Variants in PAG1 observed in about 807,000 individuals in gnomAD.
PAG1 encodes phosphoprotein membrane anchor with glycosphingolipid microdomains 1, also known as phosphoprotein associated with glycosphingolipid-enriched microdomains 1.
A neutral mutation model predicts 31.7 loss-of-function variants in PAG1; 23 were observed. The observed-to-expected ratio is 0.73, with a 90% CI of 0.52 to 1.03. The LOEUF is 1.03. Among genes scored for constraint, PAG1 ranks in the 50% least tolerant of loss-of-function variants. The pLI, the probability that PAG1 is intolerant of heterozygous loss-of-function variation, is 0.00. For missense variants in PAG1, 473 were observed against 540.7 expected (o/e 0.87, Z 1.24); for synonymous variants, 214 against 210.3 (o/e 1.02, Z -0.15).
intron 2 of PAG1, among the ~76,000 whole-genome samples, chr8:81,044,785 A>G (rs971374491): frequency 1.3e-5 from 2 of 152,018 alleles, no homozygotes; most frequent in African/African-American, 2.4e-5. Flanking sequence ...GATGTTTCCT[A>G]TGTCAGTGCA....
chr8:80,984,799 CTG>C lies in PAG1; in HGVS notation c.851_852del (p.Thr284ArgfsTer5). The C allele has an allele frequency of 6.2e-7, 1 of 1,614,012 alleles. No homozygotes were observed. The highest frequency in any genetic ancestry group is 2.2e-5 in the East Asian group (1 of 44,890). ...KEGGEAEESA[T>X]DTTSETNKRF... Reference sequence around the variant, plus strand: ...ACCTTGTTAGTTTCACTGGTCGTGTCTGTGGCACTCTCTTCCGCCTCTCCCCC... The same window carrying C: ...ACCTTGTTAGTTTCACTGGTCGTGTCTGGCACTCTCTTCCGCCTCTCCCCC... On this transcript the variant is annotated frameshift_variant, in exon 7 of 9. Transcript: ENST00000220597. LOFTEE classifies it high-confidence loss of function.
intron 1 of PAG1, among the ~76,000 whole-genome samples, chr8:81,095,716 G>A (rs1409801544): frequency 1.3e-5 from 2 of 152,174 alleles, no homozygotes; most frequent in African/African-American, 4.8e-5. Context: ...ACCTATCCCT[G>A]TGCCTGCTAC....
Position 80,980,259 on chromosome 8 carries a change from G to A in PAG1, c.936+176C>T, listed in dbSNP as rs114662657. On this transcript the variant is annotated intron_variant, in intron 8 of 8. Transcript: ENST00000220597. Reference sequence around the variant, plus strand: ...TCCTGCCATCCTTCTTGTCTGGCCTGCCCGTCAGTCTCTCCAAGCCATTAT... The same window carrying A: ...TCCTGCCATCCTTCTTGTCTGGCCTACCCGTCAGTCTCTCCAAGCCATTAT... Among the ~76,000 whole-genome samples the A allele has an allele frequency of 1.6e-3, 247 of 152,122 alleles. 1 individual carries two copies. Among genetic ancestry groups the A allele is most frequent in the African/African-American group, 5.8e-3 (240 of 41,490 alleles).
intron 3 of PAG1, among the ~76,000 whole-genome samples, chr8:81,020,647 C>T (rs555711106): frequency 5.9e-5 from 9 of 152,284 alleles, no homozygotes; most frequent in Non-Finnish European, 1.2e-4. Flanking sequence ...ATAAATTACC[C>T]AGTCTTGTGT....
At chr8:81,045,465 T>C (rs535932100) in intron 2 of PAG1, among the ~76,000 whole-genome samples, 3 of 152,290 alleles carry the variant, frequency 2.0e-5, no homozygotes, top group Admixed American at 6.5e-5. Context: ...GTCTCCTTCA[T>C]TAAAGAGCAG....
In PAG1 at chr8:80,993,292, G is replaced by A; in HGVS notation, c.-65C>T. 1 of 1,520,878 alleles carries A rather than the reference G, an allele frequency of 6.6e-7. No individual in the cohort carries two copies. Among genetic ancestry groups the A allele is most frequent in the East Asian group, 2.3e-5 (1 of 43,122 alleles). 94.2% of individuals were successfully genotyped at this position (1,520,878 alleles called of 1,614,324 possible). ...AGTCCTTCAAAGGTGGTGACATGGA[G>A]GCAGAGAGCTGTGTCCTGCAAAGAG... On this transcript the variant is annotated 5_prime_UTR_variant, in exon 4 of 9. Coordinates refer to ENST00000220597, the MANE Select transcript of PAG1 (RefSeq NM_018440.4).
At chr8:81,062,565 T>C (rs957527723) in intron 2 of PAG1, among the ~76,000 whole-genome samples, 4 of 152,202 alleles carry the variant, frequency 2.6e-5, no homozygotes, top group African/African-American at 9.6e-5. Context: ...TAAATCTCAA[T>C]CTTTTGGTTC....
chr8:80,996,183 G>A (rs1807668697), intron 3 of PAG1, among the ~76,000 whole-genome samples: 1 of 152,234 alleles, frequency 6.6e-6, no homozygotes, highest in South Asian at 2.1e-4. Flanking sequence ...GGAGGACTGT[G>A]GGACACCAGT....
intron 3 of PAG1, among the ~76,000 whole-genome samples, chr8:81,026,367 A>G (rs1007013011): frequency 6.7e-6 from 1 of 150,190 alleles, no homozygotes; most frequent in African/African-American, 2.5e-5. Flanking sequence ...AAACAAAAAA[A>G]CCCCAAAATA....
At chr8:81,059,915 G>T (rs1362195318) in intron 2 of PAG1, among the ~76,000 whole-genome samples, 1 of 151,968 alleles carries the variant, frequency 6.6e-6, no homozygotes, top group Non-Finnish European at 1.5e-5. Flanking sequence ...ACTTGTGGGG[G>T]GCTGAGGTAG....
intron 3 of PAG1, among the ~76,000 whole-genome samples, chr8:80,997,858 G>A (rs1807711426): frequency 6.6e-6 from 1 of 152,084 alleles, no homozygotes; most frequent in Non-Finnish European, 1.5e-5. Context: ...TAGTATTGCT[G>A]TAAAAGACTC....
At chr8:81,015,079 CAA>C (rs1341964983) in intron 3 of PAG1, among the ~76,000 whole-genome samples, 2 of 152,280 alleles carry the variant, frequency 1.3e-5, no homozygotes, top group Admixed American at 6.5e-5. Flanking sequence ...CTATTTATTT[CAA>C]AGAGTATAGG....
At chr8:80,995,248 G>A (rs542879336) in intron 3 of PAG1, among the ~76,000 whole-genome samples, 6 of 152,234 alleles carry the variant, frequency 3.9e-5, no homozygotes, top group South Asian at 2.1e-4. Flanking sequence ...CAACATGAAC[G>A]TCTTCTAAGG....
intron 3 of PAG1, among the ~76,000 whole-genome samples, chr8:80,996,665 C>T (rs1335803946): frequency 1.3e-5 from 2 of 152,168 alleles, no homozygotes; most frequent in Admixed American, 6.5e-5. Context: ...TTGTGTTTCA[C>T]CTTCTTGGAG....
chr8:81,070,357 C>G (rs1034167729), intron 1 of PAG1, among the ~76,000 whole-genome samples, 187 bp from the exon 2 acceptor site: 2 of 152,110 alleles, frequency 1.3e-5, no homozygotes, highest in African/African-American at 4.8e-5. Flanking sequence ...TGTTAAAAAG[C>G]AAAAGCTAAA....
intron 2 of PAG1, among the ~76,000 whole-genome samples, chr8:81,051,019 CT>C (rs1339207930): frequency 6.6e-6 from 1 of 152,216 alleles, no homozygotes; most frequent in Non-Finnish European, 1.5e-5. Context: ...TTACATTTTA[CT>C]TTTCTTGAGA....
In PAG1 at chr8:80,980,561, T is replaced by A. The variant is rs1278866823; in HGVS notation, c.877-67A>T. 1.4e-5 allele frequency: 14 copies of A among 994,780 alleles called. No homozygotes were observed. In the South Asian group the frequency reaches 1.9e-4, roughly 13 times the overall value. The allele number at this position is 994,780 out of a possible 1,614,324, so 61.6% of individuals were successfully genotyped here. On this transcript the variant is annotated intron_variant, in intron 7 of 8. Coordinates refer to ENST00000220597, the MANE Select transcript of PAG1 (RefSeq NM_018440.4). ...AACAATCTAACCTTTCTTTTGCACA[T>A]GTTTCCTCATAATCTGTCTAGCAAC...
chr8:80,976,845 G>T lies in PAG1; in HGVS notation c.998C>A (p.Ser333Ter). Residue 333 changes from serine to a stop codon, truncating the protein, a stop_gained, in exon 9 of 9, where the codon TCG (serine) becomes TAG (stop). Transcript: ENST00000220597. LOFTEE classifies it low-confidence loss of function (END_TRUNC). ...PGQLVNKSGQSLTVPESTYTS... is the reference protein window; with the variant it reads ...PGQLVNKSGQ The stretch of plus-strand genomic sequence containing the variant: ...GTAGGTGGACTCCGGAACTGTAAGC[G>T]ACTGCCCCGATTTATTCACTAACTG... The T allele has an allele frequency of 6.2e-7, 1 of 1,613,434 alleles. No individual in the cohort carries two copies. The highest frequency in any genetic ancestry group is 1.1e-5 in the South Asian group (1 of 91,038).
intron 8 of PAG1, among the ~76,000 whole-genome samples, chr8:80,980,016 C>T (rs913811883): frequency 1.3e-5 from 2 of 151,990 alleles, no homozygotes; most frequent in African/African-American, 4.8e-5. Context: ...ACGGAGACTT[C>T]CTCTTTCTGT....
Sources: gnomAD v4.1 joint callset for allele counts (sites outside exome capture counted in the v4.1 genomes callset) on GRCh38, gnomAD v4.1.1 for gene constraint, MANE v1.5 for transcripts, NCBI Gene and HGNC (gene_info 2026-07-23, HGNC 2026-07-21) for gene names.